The following CHD9 variants were observed in gnomAD, a reference collection of about 807,000 sequenced individuals.
The protein encoded by CHD9 is ATP-dependent chromatin remodeler CHD9.
In CHD9, 77 loss-of-function variants were observed where a neutral mutation model predicts 316.1. The ratio of observed to expected loss-of-function variants is 0.24; its 90% confidence interval spans 0.20 to 0.29. The LOEUF is 0.29. Among genes scored for constraint, CHD9 ranks in the 10% least tolerant of loss-of-function variants. The pLI, the probability that CHD9 is intolerant of heterozygous loss-of-function variation, is 1.00. For missense variants in CHD9, 2,763 were observed against 3,438.1 expected (o/e 0.80, Z 4.91); for synonymous variants, 1,129 against 1,158.3 (o/e 0.97, Z 0.51).
Position 53,245,934 on chromosome 16 carries a change from G to A in CHD9, c.3454+84G>A. ...ATAAACAGAACACACTACAGCTGTA[G>A]TGGCTGTTATGACTCTCCACTGTGA... On this transcript the variant is annotated intron_variant, in intron 15 of 38. Transcript: ENST00000447540. The surrounding 1 kb of genome is among the most constrained non-coding windows in gnomAD (Gnocchi z 4.1). 2 of 995,098 alleles carry A rather than the reference G, an allele frequency of 2.0e-6. No individual in the cohort carries two copies. Among genetic ancestry groups the A allele is most frequent in the Non-Finnish European group, 2.8e-6 (2 of 721,730 alleles). The allele number at this position is 995,098 out of a possible 1,614,324, so 61.6% of individuals were successfully genotyped here.
chr16:53,319,430 A>C (rs1428356100), intron 37 of CHD9, among the ~76,000 whole-genome samples: 2 of 152,112 alleles, frequency 1.3e-5, no homozygotes, highest in Non-Finnish European at 2.9e-5. Flanking sequence ...GGGTACACCA[A>C]CTCTTTAAAG....
chr16:53,135,696 C>T (rs1291931170), intron 1 of CHD9, among the ~76,000 whole-genome samples: 1 of 152,160 alleles, frequency 6.6e-6, no homozygotes, highest in African/African-American at 2.4e-5. Flanking sequence ...CTACCTTTAT[C>T]TGAATGATAA....
intron 3 of CHD9, among the ~76,000 whole-genome samples, chr16:53,212,991 G>A (rs982812090): frequency 3.9e-5 from 6 of 152,180 alleles, no homozygotes; most frequent in East Asian, 1.9e-4. Context: ...AAAAGCCAAG[G>A]CCAGGAGCCA....
intron 2 of CHD9, among the ~76,000 whole-genome samples, chr16:53,175,024 G>T (rs920122697): frequency 1.2e-4 from 18 of 152,260 alleles, no homozygotes; most frequent in African/African-American, 4.3e-4. Flanking sequence ...GCAATCTTTT[G>T]TATAGGGCTA....
chr16:53,127,639 C>T (rs1473364045), intron 1 of CHD9, among the ~76,000 whole-genome samples: 1 of 151,962 alleles, frequency 6.6e-6, no homozygotes, highest in African/African-American at 2.4e-5. Flanking sequence ...ATCCCTTTCT[C>T]AACGGGCACA....
chr16:53,269,560 C>T (rs1007568702), intron 22 of CHD9, among the ~76,000 whole-genome samples: 4 of 152,100 alleles, frequency 2.6e-5, no homozygotes, highest in Non-Finnish European at 5.9e-5. Context: ...TCAGTGTAGG[C>T]CTATTTTAAT....
chr16:53,238,591 G>T lies in CHD9; in HGVS notation c.2877+5G>T. On this transcript the variant is annotated splice_donor_5th_base_variant and intron_variant, in intron 12 of 38. Coordinates refer to ENST00000447540, the MANE Select transcript of CHD9 (RefSeq NM_001308319.2). The stretch of plus-strand genomic sequence containing the variant: ...ATGTACTTCAGGGATTCACAGGTGT[G>T]TTATTGATTATTTTGTTTGTTGTTT... The T allele has an allele frequency of 1.2e-6, 2 of 1,610,742 alleles. No homozygotes were observed. Among genetic ancestry groups the T allele is most frequent in the Non-Finnish European group, 1.7e-6 (2 of 1,177,556 alleles).
chr16:53,279,172 T>C (rs2053164784), intron 24 of CHD9, among the ~76,000 whole-genome samples: 1 of 152,154 alleles, frequency 6.6e-6, no homozygotes, highest in Admixed American at 6.5e-5. Flanking sequence ...TGGAATACTA[T>C]GCAGCCATAA....
At chr16:53,196,074 T>C (rs1028488033) in intron 2 of CHD9, among the ~76,000 whole-genome samples, 7 of 152,242 alleles carry the variant, frequency 4.6e-5, no homozygotes, top group African/African-American at 9.6e-5. Context: ...TATCCTTAAT[T>C]CAGTTTCCCA....
Position 53,324,183 on chromosome 16 carries a change from A to T in CHD9, c.7982A>T (p.Asn2661Ile), listed in dbSNP as rs749898266. 7 of 1,613,906 alleles carry T rather than the reference A, an allele frequency of 4.3e-6. No homozygotes were observed. The African/African-American group carries it at 5.3e-5, about 12-fold the overall frequency. ...TSVSGNPLLA[N>I]GLLPGVDLTT... ...GTTTCAGGCAATCCTTTGTTAGCCAATGGACTACTTCCAGGTGTGGATCTC... is the reference window on the plus strand; with the variant it reads ...GTTTCAGGCAATCCTTTGTTAGCCATTGGACTACTTCCAGGTGTGGATCTC... The change falls in exon 39 of 39, where the codon AAT becomes ATT. Residue 2661 changes from asparagine (N) to isoleucine (I), a missense_variant. Coordinates refer to ENST00000447540, the MANE Select transcript of CHD9 (RefSeq NM_001308319.2).
intron 1 of CHD9, among the ~76,000 whole-genome samples, chr16:53,091,007 C>A (rs1044527549): frequency 6.6e-6 from 1 of 151,756 alleles, no homozygotes; most frequent in South Asian, 2.1e-4. Flanking sequence ...GCTCACCCCC[C>A]CCCGACTGAC....
chr16:53,145,961 G>A (rs116440423), intron 1 of CHD9, among the ~76,000 whole-genome samples: 200 of 152,056 alleles, frequency 1.3e-3, no homozygotes, highest in African/African-American at 4.5e-3. Flanking sequence ...GAAACAGACC[G>A]GTCACAAAAA....
intron 20 of CHD9, among the ~76,000 whole-genome samples, chr16:53,266,320 A>G (rs2051688338): frequency 1.3e-5 from 2 of 152,142 alleles, no homozygotes; most frequent in South Asian, 2.1e-4. Context: ...AATGCATTCC[A>G]TACATATTAT....
intron 2 of CHD9, among the ~76,000 whole-genome samples, chr16:53,160,048 T>A (rs745882301): frequency 1.3e-5 from 2 of 152,166 alleles, no homozygotes; most frequent in Non-Finnish European, 2.9e-5. Flanking sequence ...AGTATTGTGA[T>A]TTTGCTCCCC....
chr16:53,095,573 CA>C (rs1460924477), intron 1 of CHD9, among the ~76,000 whole-genome samples: 2 of 150,754 alleles, frequency 1.3e-5, no homozygotes, highest in East Asian at 3.9e-4. Flanking sequence ...AAAATTAAAA[CA>C]AAAAAGAATA....
chr16:53,170,110 A>G (rs2042592602), intron 2 of CHD9, among the ~76,000 whole-genome samples: 1 of 150,820 alleles, frequency 6.6e-6, no homozygotes, highest in Admixed American at 6.6e-5. Flanking sequence ...ATTGGATCAC[A>G]TTAAGACACA....
chr16:53,285,420 C>G (rs2053785732), intron 24 of CHD9, among the ~76,000 whole-genome samples, 176 bp from the exon 25 acceptor site: 1 of 151,996 alleles, frequency 6.6e-6, no homozygotes, highest in Middle Eastern at 3.2e-3. Flanking sequence ...TTTATGGTAT[C>G]TTTGTTATTG....
Position 53,100,453 on chromosome 16 carries a change from C to CTTTTTTTTTTT in CHD9, c.-165+45383_-165+45393dup, listed in dbSNP as rs61450186. On this transcript the variant is annotated intron_variant, in intron 1 of 38. Coordinates refer to ENST00000447540, the MANE Select transcript of CHD9 (RefSeq NM_001308319.2). ...GCACTCTGAATTTAGACTCATTCGT[C>CTTTTTTTTTTT]TTTTTTTTTTTTTTTTTCCAAAAGA... is the stretch of plus-strand genomic sequence containing the variant. 1.0e-4 allele frequency among the ~76,000 whole-genome samples: 13 copies of CTTTTTTTTTTT among 129,620 alleles called. 1 individual carries two copies. The highest frequency in any genetic ancestry group is 2.2e-4 in the East Asian group (1 of 4,484). The allele number at this position is 129,620 out of a possible 152,430, so 85.0% of individuals were successfully genotyped here.
chr16:53,287,477 C>T (rs919046916), intron 26 of CHD9, among the ~76,000 whole-genome samples: 85 of 152,304 alleles, frequency 5.6e-4, no homozygotes, highest in Non-Finnish European at 2.9e-5. Context: ...CCTGTAATCC[C>T]AGCACTTTGG....
Sources: allele counts gnomAD v4.1 joint callset (sites outside exome capture counted in the v4.1 genomes callset), GRCh38; gene constraint gnomAD v4.1.1; non-coding constraint Gnocchi (gnomAD v3.1); transcripts MANE v1.5; gene names NCBI Gene and HGNC (gene_info 2026-07-23, HGNC 2026-07-21).